Variants in GPC6 observed in about 807,000 individuals in gnomAD.
GPC6 encodes glypican 6.
Under a neutral mutation model 55.2 loss-of-function variants are expected in GPC6, and 14 were observed. The observed-to-expected ratio is 0.25, with a 90% CI of 0.17 to 0.40. The LOEUF is 0.40. Among genes scored for constraint, GPC6 ranks in the 10% least tolerant of loss-of-function variants. The pLI, the probability that GPC6 is intolerant of heterozygous loss-of-function variation, is 1.00. For synonymous variants in GPC6, 278 were observed against 259.6 expected (o/e 1.07, Z -0.68); for missense variants, 641 against 708.5 (o/e 0.90, Z 1.08).
chr13:94,142,487 T>C (rs909046050), intron 4 of GPC6, among the ~76,000 whole-genome samples: 5 of 152,224 alleles, frequency 3.3e-5, no homozygotes, highest in South Asian at 2.1e-4. Context: ...ACAATTCAGT[T>C]AACACCACTT....
intron 1 of GPC6, among the ~76,000 whole-genome samples, chr13:93,342,475 A>G (rs1409664879): frequency 6.6e-6 from 1 of 152,030 alleles, no homozygotes; most frequent in Non-Finnish European, 1.5e-5. Context: ...AGACTTACTC[A>G]CTATCATGAG....
intron 3 of GPC6, among the ~76,000 whole-genome samples, chr13:93,924,661 A>T (rs1877755419): frequency 6.7e-6 from 1 of 150,220 alleles, no homozygotes; most frequent in African/African-American, 2.4e-5. Flanking sequence ...GATACATTAG[A>T]GTGATTGATT....
chr13:93,874,939 A>T (rs1021428476), intron 3 of GPC6, among the ~76,000 whole-genome samples: 15 of 152,002 alleles, frequency 9.9e-5, no homozygotes, highest in East Asian at 9.7e-4. Flanking sequence ...CACTCCCTCT[A>T]TCCTGACACA....
chr13:94,263,414 C>G (rs1010376430), intron 4 of GPC6, among the ~76,000 whole-genome samples: 2 of 152,178 alleles, frequency 1.3e-5, no homozygotes, highest in African/African-American at 4.8e-5. Flanking sequence ...TAACACAAAT[C>G]CATTAAAAGG....
chr13:93,731,789 A>G (rs1184152195), intron 2 of GPC6, among the ~76,000 whole-genome samples: 2 of 152,158 alleles, frequency 1.3e-5, no homozygotes, highest in Non-Finnish European at 2.9e-5. Context: ...AGAAAGGGCC[A>G]TATTAAGGCA....
Position 93,579,027 on chromosome 13 carries a change from A to G in GPC6, c.319+33606A>G, listed in dbSNP as rs148908224. Among the ~76,000 whole-genome samples the G allele has an allele frequency of 2.0e-3, 306 of 152,224 alleles. 2 individuals are homozygous for G. Among genetic ancestry groups the G allele is most frequent in the African/African-American group, 7.1e-3 (293 of 41,542 alleles). The stretch of plus-strand genomic sequence containing the variant: ...CAGAACATATTATATGTTCTCATTT[A>G]TATGTTGGAGCTAAAAAACTAGATT... On this transcript the variant is annotated intron_variant, in intron 2 of 8. Transcript: ENST00000377047.
chr13:93,755,902 TTA>T (rs1884751289), intron 2 of GPC6, among the ~76,000 whole-genome samples: 1 of 152,200 alleles, frequency 6.6e-6, no homozygotes, highest in African/African-American at 2.4e-5. Flanking sequence ...GAATTTCACT[TTA>T]TAGAGTCAGA....
At chr13:94,306,383 C>T in intron 6 of GPC6, 1 of 505,464 alleles carries the variant, frequency 2.0e-6, no homozygotes, top group Non-Finnish European at 3.6e-6. Context: ...TCTTATTTCT[C>T]ATGAAATATT....
intron 2 of GPC6, among the ~76,000 whole-genome samples, chr13:93,597,007 C>CAACAAAA (rs1877779880): frequency 1.5e-5 from 1 of 68,062 alleles, no homozygotes; most frequent in African/African-American, 3.8e-5. Flanking sequence ...TCAAATCTGG[C>CAACAAAA]AAAAAAAAAA....
chr13:93,820,506 G>C (rs1887006787), intron 2 of GPC6, among the ~76,000 whole-genome samples: 2 of 151,424 alleles, frequency 1.3e-5, no homozygotes, highest in African/African-American at 4.9e-5. Context: ...AATTCTCCTT[G>C]TTTTGTGATG....
intron 2 of GPC6, among the ~76,000 whole-genome samples, chr13:93,620,439 T>C (rs1435266059): frequency 1.3e-5 from 2 of 152,226 alleles, no homozygotes. Context: ...GTTCATTTCC[T>C]CTCTGGTATT....
chr13:94,003,826 T>C (rs909047283), intron 3 of GPC6, among the ~76,000 whole-genome samples: 2 of 152,186 alleles, frequency 1.3e-5, no homozygotes, highest in Non-Finnish European at 2.9e-5. Flanking sequence ...TTCAAGAGGC[T>C]CACTACATGC....
At chr13:93,263,289 C>G (rs1000727871) in intron 1 of GPC6, among the ~76,000 whole-genome samples, 1 of 151,980 alleles carries the variant, frequency 6.6e-6, no homozygotes, top group African/African-American at 2.4e-5. Context: ...TTATCTGTTT[C>G]CTTTTGCTAG....
At chr13:94,243,715 T>C (rs1891121379) in intron 4 of GPC6, among the ~76,000 whole-genome samples, 2 of 152,160 alleles carry the variant, frequency 1.3e-5, no homozygotes, top group South Asian at 4.1e-4. Context: ...CCTCATGGAC[T>C]CTGTGCTGAC....
chr13:93,358,989 G>T (rs113644747), intron 1 of GPC6, among the ~76,000 whole-genome samples: 2,918 of 54,246 alleles, frequency 0.054, 74 homozygotes, highest in East Asian at 0.34. Flanking sequence ...TTTTTTTTTT[G>T]TTTTTTTTTT....
chr13:94,350,653 A>G (rs993660461), intron 6 of GPC6, among the ~76,000 whole-genome samples: 2 of 152,148 alleles, frequency 1.3e-5, no homozygotes, highest in African/African-American at 4.8e-5. Flanking sequence ...TACTCATAAT[A>G]TGTGTGTATG....
At chr13:93,540,511 A>C (rs1310790616) in intron 1 of GPC6, among the ~76,000 whole-genome samples, 1 of 152,070 alleles carries the variant, frequency 6.6e-6, no homozygotes, top group Non-Finnish European at 1.5e-5. Context: ...CTTTTCTAGA[A>C]ATTTAATAAG....
At chr13:93,916,830 T>TATG (rs997465889) in intron 3 of GPC6, among the ~76,000 whole-genome samples, 2 of 152,070 alleles carry the variant, frequency 1.3e-5, no homozygotes, top group African/African-American at 4.8e-5. Flanking sequence ...GGGTTTATTT[T>TATG]ATTATTATTA....
chr13:93,857,811 C>A (rs1888671385), intron 3 of GPC6, among the ~76,000 whole-genome samples: 1 of 151,292 alleles, frequency 6.6e-6, no homozygotes, highest in South Asian at 2.1e-4. Flanking sequence ...TGTATATATA[C>A]ACCCCGAATA....
Sources: gnomAD v4.1 joint callset for allele counts (sites outside exome capture counted in the v4.1 genomes callset) on GRCh38, gnomAD v4.1.1 for gene constraint, MANE v1.5 for transcripts, NCBI Gene and HGNC (gene_info 2026-07-23, HGNC 2026-07-21) for gene names.